Variants in BCAR3 observed in about 807,000 individuals in gnomAD.
BCAR3 encodes BCAR3 adaptor protein, NSP family member.
In BCAR3, 37 loss-of-function variants were observed where a neutral mutation model predicts 80.1. The ratio of observed to expected loss-of-function variants is 0.46; its 90% confidence interval spans 0.36 to 0.61. BCAR3 has a LOEUF of 0.61. BCAR3 is among the 20% of genes least tolerant of loss of function. The pLI is 0.00. For synonymous variants in BCAR3, 389 were observed against 418.9 expected (o/e 0.93, Z 0.87); for missense variants, 978 against 1,068.2 (o/e 0.92, Z 1.18).
intron 2 of BCAR3, among the ~76,000 whole-genome samples, chr1:93,821,810 A>G (rs1654233671): frequency 6.6e-6 from 1 of 152,232 alleles, no homozygotes; most frequent in Non-Finnish European, 1.5e-5. Context: ...ACCCATTTTT[A>G]CCATTATTAT....
In BCAR3 at chr1:93,592,432, G is replaced by A. The variant is rs779078760; in HGVS notation, c.358-39C>T. ...TCAACCATGAGCTCACCCTGCCCAG[G>A]CCACACCAGGCCATGCCAGCTGGAG... On this transcript the variant is annotated intron_variant, in intron 3 of 11. Transcript: ENST00000260502. This position sits in a 1 kb window ranked among gnomAD's most constrained non-coding sequence, Gnocchi z 4.8. 1.3e-6 allele frequency: 2 copies of A among 1,543,430 alleles called. No homozygotes were observed. Among genetic ancestry groups the A allele is most frequent in the Non-Finnish European group, 1.7e-6 (2 of 1,153,772 alleles).
intron 3 of BCAR3, chr1:93,613,706 A>C (rs1251243479): frequency 2.9e-6 from 3 of 1,024,720 alleles, no homozygotes; most frequent in Non-Finnish European, 4.2e-6. Flanking sequence ...GGGGCTCTTG[A>C]AGACCCATCA....
intron 2 of BCAR3, among the ~76,000 whole-genome samples, chr1:93,712,258 C>T (rs1228545229): frequency 6.6e-6 from 1 of 152,212 alleles, no homozygotes; most frequent in East Asian, 1.9e-4. Flanking sequence ...CCAGCCTGTC[C>T]CAGGAAAGCC....
At chr1:93,641,545 A>T (rs1461648231) in intron 3 of BCAR3, among the ~76,000 whole-genome samples, 1 of 152,268 alleles carries the variant, frequency 6.6e-6, no homozygotes, top group Non-Finnish European at 1.5e-5. Context: ...AGCAAACAGC[A>T]ACACTGGAAA....
At chr1:93,610,871 T>C (rs1674926582) in intron 3 of BCAR3, among the ~76,000 whole-genome samples, 1 of 151,352 alleles carries the variant, frequency 6.6e-6, no homozygotes, top group Non-Finnish European at 1.5e-5. Flanking sequence ...GCGGAGGTTG[T>C]AGTGAGCCGA....
chr1:93,816,280 A>G (rs562581241), intron 2 of BCAR3, among the ~76,000 whole-genome samples: 5 of 152,302 alleles, frequency 3.3e-5, no homozygotes, highest in Admixed American at 2.6e-4. Context: ...ATAGAGTTTT[A>G]TGTTTTCTCA....
chr1:93,660,354 C>G (rs1271379140), intron 2 of BCAR3, among the ~76,000 whole-genome samples: 1 of 152,160 alleles, frequency 6.6e-6, no homozygotes, highest in East Asian at 1.9e-4. Context: ...CAAAGTGATA[C>G]TGTGAGAGGC....
intron 2 of BCAR3, chr1:93,845,502 A>ATATATATCAATATCATGTTGTCAAG: frequency 8.8e-5 from 10 of 113,822 alleles, no homozygotes; most frequent in Admixed American, 2.8e-4. Flanking sequence ...ATATATATAT[A>ATATATATCAATATCATGTTGTCAAG]AAACTTTGTT....
chr1:93,727,133 T>C (rs965866479), intron 2 of BCAR3, among the ~76,000 whole-genome samples: 1 of 152,196 alleles, frequency 6.6e-6, no homozygotes, highest in Non-Finnish European at 1.5e-5. Flanking sequence ...AAGCCTGCAT[T>C]GTCATGGTCT....
At chr1:93,811,876 G>A (rs1015661136) in intron 2 of BCAR3, among the ~76,000 whole-genome samples, 1 of 152,224 alleles carries the variant, frequency 6.6e-6, no homozygotes, top group African/African-American at 2.4e-5. Context: ...TTGACATCAT[G>A]TTGTTAGCTT....
intron 3 of BCAR3, among the ~76,000 whole-genome samples, chr1:93,629,179 T>G (rs1032216068): frequency 6.6e-6 from 1 of 152,232 alleles, no homozygotes; most frequent in Non-Finnish European, 1.5e-5. Flanking sequence ...TCAAGCAACA[T>G]GGAGCACCTA....
At chr1:93,608,126 C>T (rs1674834427) in intron 3 of BCAR3, among the ~76,000 whole-genome samples, 1 of 152,212 alleles carries the variant, frequency 6.6e-6, no homozygotes, top group Non-Finnish European at 1.5e-5. Flanking sequence ...CTAGAGTAGA[C>T]ACTGGGGAGA....
chr1:93,605,869 G>A (rs989753962), intron 3 of BCAR3, among the ~76,000 whole-genome samples: 58 of 152,174 alleles, frequency 3.8e-4, no homozygotes, highest in Non-Finnish European at 4.6e-4. Context: ...TAATTGGAAG[G>A]AAAAACAAGA....
intron 3 of BCAR3, among the ~76,000 whole-genome samples, chr1:93,686,916 T>C (rs1648994411): frequency 6.6e-6 from 1 of 152,216 alleles, no homozygotes; most frequent in African/African-American, 2.4e-5. Context: ...TAACCAGATG[T>C]TCTATTCCCT....
intron 11 of BCAR3, among the ~76,000 whole-genome samples, chr1:93,562,768 CAAAAAAAAAA>C (rs35374992): frequency 1.3e-5 from 1 of 76,898 alleles, no homozygotes; most frequent in African/African-American, 5.6e-5. Context: ...GACTCCATCT[CAAAAAAAAAA>C]AAAAAAAAAA....
intron 3 of BCAR3, among the ~76,000 whole-genome samples, chr1:93,632,750 A>T (rs1054703145): frequency 7.9e-5 from 12 of 152,126 alleles, no homozygotes; most frequent in Admixed American, 5.9e-4. Context: ...TCTTCTTTTG[A>T]TTTTTAAGAA....
intron 3 of BCAR3, among the ~76,000 whole-genome samples, chr1:93,687,287 ATTTAT>A (rs1366968268): frequency 6.6e-6 from 1 of 152,122 alleles, no homozygotes; most frequent in African/African-American, 2.4e-5. Context: ...TCATCTAAAC[ATTTAT>A]TTTATTTTTA....
intron 9 of BCAR3, among the ~76,000 whole-genome samples, chr1:93,569,084 GA>G (rs1357284514): frequency 2.0e-5 from 3 of 152,178 alleles, no homozygotes; most frequent in Non-Finnish European, 4.4e-5. Flanking sequence ...ACTGTCCTAA[GA>G]TAAATGGTCC....
At chr1:93,769,177 A>G (rs190711783) in intron 2 of BCAR3, among the ~76,000 whole-genome samples, 7 of 152,342 alleles carry the variant, frequency 4.6e-5, no homozygotes, top group Non-Finnish European at 8.8e-5. Flanking sequence ...CCACACCGTT[A>G]GGCTGCAACT....
Sources: gnomAD v4.1 joint callset for allele counts (sites outside exome capture counted in the v4.1 genomes callset) on GRCh38, gnomAD v4.1.1 for gene constraint, Gnocchi (gnomAD v3.1) non-coding constraint, MANE v1.5 for transcripts, NCBI Gene and HGNC (gene_info 2026-07-23, HGNC 2026-07-21) for gene names.